ST18: variants seen among roughly 807,000 people sequenced by gnomAD.
The protein encoded by ST18 is suppression of tumorigenicity 18 protein.
ST18 carries 50 observed loss-of-function variants against 110.0 expected under a neutral mutation model. The observed-to-expected ratio is 0.45, with a 90% CI of 0.36 to 0.58. ST18 has a LOEUF of 0.58. Ranked by LOEUF, ST18 falls within the 20% of genes least tolerant of loss-of-function variation. The pLI is 0.00. For synonymous variants in ST18, 461 were observed against 452.4 expected, an observed-to-expected ratio of 1.02 and a Z score of -0.24; for missense variants, 1,306 against 1,280.1, an observed-to-expected ratio of 1.02 and a Z score of -0.31.
intron 8 of ST18, among the ~76,000 whole-genome samples, chr8:52,185,644 G>C (rs978674444): frequency 3.9e-5 from 6 of 152,056 alleles, no homozygotes; most frequent in African/African-American, 1.4e-4. Flanking sequence ...CACATACACG[G>C]TCAACTGATG....
At chr8:52,353,570 C>T (rs995345351) in intron 2 of ST18, among the ~76,000 whole-genome samples, 5 of 152,186 alleles carry the variant, frequency 3.3e-5, no homozygotes, top group Admixed American at 2.0e-4. Flanking sequence ...CATAGAGAAA[C>T]TATTTACATA....
At chr8:52,124,570 A>G (rs1291262769) in intron 23 of ST18, among the ~76,000 whole-genome samples, 1 of 152,226 alleles carries the variant, frequency 6.6e-6, no homozygotes, top group Non-Finnish European at 1.5e-5. Flanking sequence ...AAATAAATAC[A>G]CATTAAATTG....
intron 16 of ST18, among the ~76,000 whole-genome samples, chr8:52,143,292 C>G (rs1200387986): frequency 6.6e-6 from 1 of 152,166 alleles, no homozygotes; most frequent in Non-Finnish European, 1.5e-5. Flanking sequence ...TGAGACCATC[C>G]TGGCCAACAT....
chr8:52,381,106 T>G (rs11995421), intron 2 of ST18, among the ~76,000 whole-genome samples: 1 of 152,188 alleles, frequency 6.6e-6, no homozygotes, highest in African/African-American at 2.4e-5. Flanking sequence ...CTTTTCTTCT[T>G]GCTGAAGCCT....
At chr8:52,349,451 A>C (rs1414243719) in intron 2 of ST18, among the ~76,000 whole-genome samples, 1 of 152,204 alleles carries the variant, frequency 6.6e-6, no homozygotes, top group Non-Finnish European at 1.5e-5. Flanking sequence ...TAACTTACTC[A>C]AAGATGTTGC....
chr8:52,382,625 G>A (rs756312763), intron 2 of ST18, among the ~76,000 whole-genome samples: 16 of 152,142 alleles, frequency 1.1e-4, no homozygotes, highest in South Asian at 4.1e-4. Context: ...GAGGATGAAC[G>A]GAGATGAAAG....
chr8:52,352,265 C>T (rs187925005), intron 2 of ST18, among the ~76,000 whole-genome samples: 14 of 152,242 alleles, frequency 9.2e-5, no homozygotes, highest in South Asian at 2.1e-4. Flanking sequence ...TTGCACTTGG[C>T]GCGGACAAGA....
chr8:52,388,872 G>A (rs1314412751), intron 2 of ST18, among the ~76,000 whole-genome samples: 2 of 149,428 alleles, frequency 1.3e-5, no homozygotes, highest in Non-Finnish European at 3.0e-5. Flanking sequence ...GCTAAATGAT[G>A]AGTTAATGGG....
intron 2 of ST18, among the ~76,000 whole-genome samples, chr8:52,325,578 A>G (rs969805006): frequency 2.6e-5 from 4 of 152,224 alleles, no homozygotes; most frequent in African/African-American, 9.6e-5. Context: ...CACCATACTA[A>G]TGAATTAATA....
At chr8:52,398,477 C>T (rs1280975558) in intron 2 of ST18, among the ~76,000 whole-genome samples, 12 of 152,160 alleles carry the variant, frequency 7.9e-5, no homozygotes, top group Non-Finnish European at 2.9e-5. Flanking sequence ...AACAGGCATT[C>T]CTGCCTTGTA....
intron 2 of ST18, among the ~76,000 whole-genome samples, chr8:52,375,288 C>A (rs1036146378): frequency 1.3e-5 from 2 of 152,130 alleles, no homozygotes; most frequent in African/African-American, 4.8e-5. Flanking sequence ...TTTATTTGCT[C>A]CCCTTTGCAA....
intron 3 of ST18, among the ~76,000 whole-genome samples, chr8:52,229,321 C>A (rs796489682): frequency 6.6e-6 from 1 of 152,188 alleles, no homozygotes; most frequent in Non-Finnish European, 1.5e-5. Context: ...CAGACTAAAA[C>A]CAAGTTAAGC....
At chr8:52,142,167 G>A (rs1233565473) in intron 17 of ST18, among the ~76,000 whole-genome samples, 3 of 152,154 alleles carry the variant, frequency 2.0e-5, no homozygotes, top group African/African-American at 7.2e-5. Flanking sequence ...ATCGGTCTGG[G>A]AAAGATTCAG....
intron 2 of ST18, among the ~76,000 whole-genome samples, chr8:52,368,413 C>T (rs1828987904): frequency 6.6e-6 from 1 of 152,134 alleles, no homozygotes; most frequent in African/African-American, 2.4e-5. Flanking sequence ...AATCAAAATT[C>T]TGGTGTTTCT....
chr8:52,165,710 G>A (rs1185871782), intron 11 of ST18, among the ~76,000 whole-genome samples: 1 of 152,218 alleles, frequency 6.6e-6, no homozygotes, highest in Non-Finnish European at 1.5e-5. Context: ...GAAAAGTATG[G>A]TTGAGCGAAG....
chr8:52,326,962 G>A (rs890598), intron 2 of ST18, among the ~76,000 whole-genome samples: 79,925 of 152,010 alleles, frequency 0.53, 26,169 homozygotes, highest in Non-Finnish European at 0.73. Flanking sequence ...AGCCAGAGAG[G>A]CAGTGTTCAA....
chr8:52,120,172 A>C (rs1421460505), intron 23 of ST18, among the ~76,000 whole-genome samples: 1 of 152,194 alleles, frequency 6.6e-6, no homozygotes, highest in African/African-American at 2.4e-5. Context: ...CTCTCAGACA[A>C]CTGATGGGTA....
intron 15 of ST18, among the ~76,000 whole-genome samples, chr8:52,157,208 T>G (rs2060254668): frequency 6.6e-6 from 1 of 152,204 alleles, no homozygotes; most frequent in Non-Finnish European, 1.5e-5. Flanking sequence ...AAAAGCCCTG[T>G]AATTTTAGTC....
chr8:52,392,101 A>C (rs565974683), intron 2 of ST18, among the ~76,000 whole-genome samples: 1 of 152,360 alleles, frequency 6.6e-6, no homozygotes, highest in African/African-American at 2.4e-5. Flanking sequence ...GAATGCATTC[A>C]ATCAACACAT....
Sources: allele counts gnomAD v4.1 joint callset (sites outside exome capture counted in the v4.1 genomes callset), GRCh38; gene constraint gnomAD v4.1.1; transcripts MANE v1.5; gene names NCBI Gene and HGNC (gene_info 2026-07-23, HGNC 2026-07-21).